Variants in KIF16B observed in about 807,000 individuals in gnomAD.
KIF16B encodes kinesin-like protein KIF16B.
A neutral mutation model predicts 156.3 loss-of-function variants in KIF16B; 98 were observed. The ratio of observed to expected loss-of-function variants is 0.63; its 90% CI spans 0.53 to 0.74. The LOEUF (loss-of-function observed/expected upper bound fraction) is 0.74. KIF16B is among the 30% of genes least tolerant of loss of function. The pLI, the probability that KIF16B is intolerant of heterozygous loss-of-function variation, is 0.00. For synonymous variants in KIF16B, 564 were observed against 583.7 expected, an observed-to-expected ratio of 0.97 and a Z score of 0.49; for missense variants, 1,421 against 1,606.5, an observed-to-expected ratio of 0.88 and a Z score of 1.97.
intron 25 of KIF16B, among the ~76,000 whole-genome samples, chr20:16,296,109 A>G (rs2063382568): frequency 6.6e-6 from 1 of 152,220 alleles, no homozygotes; most frequent in African/African-American, 2.4e-5. Flanking sequence ...AAAGGGCAGC[A>G]AAATGAGAAA....
rs1353092945 is a variant in KIF16B at position 16,273,059 on chromosome 20, T to A, written c.*194A>T. 1 of 585,898 alleles carries A rather than the reference T, an allele frequency of 1.7e-6. No individual in the cohort carries two copies. Among genetic ancestry groups the A allele is most frequent in the African/African-American group, 1.9e-5 (1 of 53,538 alleles). 36.3% of individuals were successfully genotyped at this position (585,898 alleles called of 1,614,324 possible). A position where few individuals can be genotyped will look rare whatever the true frequency, so the allele number is the denominator to read the frequency against. On this transcript the variant is annotated 3_prime_UTR_variant, in exon 26 of 26. Transcript: ENST00000354981. ...GTAACGGCTGCCTGTCAGGGCCACA[T>A]CAGCAGGCAGAGCATCCCATCCCCA...
At position 16,473,731 on chromosome 20, in the gene KIF16B, T is replaced by C. The variant is rs78644652; in HGVS notation, c.1302+20560A>G. The stretch of plus-strand genomic sequence containing the variant: ...GGATAAGATCAGCTCTAAGACTCCA[T>C]CCATTTTGAATTCATTCTGTGTCAT... On this transcript the variant is annotated intron_variant, in intron 12 of 25. Coordinates refer to ENST00000354981, the MANE Select transcript of KIF16B (RefSeq NM_024704.5). Among the ~76,000 whole-genome samples, 90 of 152,304 alleles carry C rather than the reference T, an allele frequency of 5.9e-4. 2 individuals carry two copies. The highest frequency in any genetic ancestry group is 1.9e-3 in the African/African-American group (80 of 41,566).
intron 24 of KIF16B, among the ~76,000 whole-genome samples, chr20:16,313,168 A>C (rs1275150962): frequency 1.3e-5 from 2 of 152,234 alleles, no homozygotes; most frequent in Non-Finnish European, 2.9e-5. Flanking sequence ...TGGCTGAATA[A>C]ATGCTAAGTA....
intron 23 of KIF16B, among the ~76,000 whole-genome samples, chr20:16,352,136 G>A (rs554983136): frequency 3.9e-5 from 6 of 152,264 alleles, no homozygotes; most frequent in African/African-American, 1.2e-4. Flanking sequence ...GACTGCAAAC[G>A]GCCACCAGAA....
At chr20:16,277,228 T>G (rs1482419107) in intron 25 of KIF16B, among the ~76,000 whole-genome samples, 2 of 152,154 alleles carry the variant, frequency 1.3e-5, no homozygotes, top group Non-Finnish European at 2.9e-5. Context: ...GTGCAGTACT[T>G]CACATCTGAA....
At chr20:16,466,131 C>T (rs540928921) in intron 12 of KIF16B, among the ~76,000 whole-genome samples, 1 of 152,290 alleles carries the variant, frequency 6.6e-6, no homozygotes, top group South Asian at 2.1e-4. Context: ...ATATTACTAA[C>T]CACAGATGAG....
At chr20:16,366,906 G>A (rs1235002117) in intron 22 of KIF16B, 36 of 1,217,436 alleles carry the variant, frequency 3.0e-5, no homozygotes, top group Non-Finnish European at 3.6e-5. Flanking sequence ...ACAAGCCTGA[G>A]TTTCAAGAAA....
intron 24 of KIF16B, among the ~76,000 whole-genome samples, chr20:16,331,952 G>C (rs1370082572): frequency 6.6e-6 from 1 of 152,116 alleles, no homozygotes; most frequent in African/African-American, 2.4e-5. Flanking sequence ...AGCAAGTATT[G>C]ACTATGTGAA....
intron 24 of KIF16B, among the ~76,000 whole-genome samples, chr20:16,325,447 A>G (rs538511690): frequency 6.6e-6 from 1 of 152,230 alleles, no homozygotes; most frequent in South Asian, 2.1e-4. Context: ...AAATGAATTC[A>G]GTAAAGTTTC....
At chr20:16,439,618 G>C (rs954032081) in intron 12 of KIF16B, among the ~76,000 whole-genome samples, 1 of 152,150 alleles carries the variant, frequency 6.6e-6, no homozygotes, top group South Asian at 2.1e-4. Context: ...GAGTGAGATT[G>C]TATTAGTCCA....
intron 24 of KIF16B, among the ~76,000 whole-genome samples, chr20:16,324,307 G>A (rs2063811818): frequency 6.6e-6 from 1 of 151,906 alleles, no homozygotes; most frequent in Non-Finnish European, 1.5e-5. Context: ...CATGGAGAGG[G>A]AGGTTCAGAC....
chr20:16,449,868 T>G (rs974315769), intron 12 of KIF16B, among the ~76,000 whole-genome samples: 8 of 152,152 alleles, frequency 5.3e-5, no homozygotes, highest in Non-Finnish European at 1.2e-4. Context: ...TCATGACACA[T>G]GGGTGCACCA....
Position 16,549,369 on chromosome 20 carries a change from C to CTCATCATT in KIF16B, c.48-20937_48-20930dup, listed in dbSNP as rs2070548065. Among the ~76,000 whole-genome samples the CTCATCATT allele has an allele frequency of 6.6e-5, 10 of 152,062 alleles. No homozygotes were observed. The South Asian group carries it at 2.1e-3, about 32-fold the overall frequency. On this transcript the variant is annotated intron_variant, in intron 1 of 25. Coordinates refer to ENST00000354981, the MANE Select transcript of KIF16B (RefSeq NM_024704.5). The stretch of plus-strand genomic sequence containing the variant: ...TCCATGTCCCTACAAAGGACATGAA[C>CTCATCATT]TCATCATTTTTTATGGCTGCATAGT...
intron 17 of KIF16B, among the ~76,000 whole-genome samples, chr20:16,389,092 ACT>A (rs1306955580): frequency 6.6e-6 from 1 of 151,828 alleles, no homozygotes; most frequent in East Asian, 1.9e-4. Context: ...CATGGATATT[ACT>A]CTATTATCTC....
intron 1 of KIF16B, among the ~76,000 whole-genome samples, chr20:16,540,752 C>T (rs1458539251): frequency 7.2e-5 from 11 of 152,120 alleles, no homozygotes; most frequent in African/African-American, 1.4e-4. Flanking sequence ...CACCCAAGAG[C>T]ACTTCTCTTT....
At chr20:16,404,055 A>G (rs1292491339) in intron 17 of KIF16B, among the ~76,000 whole-genome samples, 1 of 152,240 alleles carries the variant, frequency 6.6e-6, no homozygotes, top group African/African-American at 2.4e-5. Context: ...TCACGGATTC[A>G]AGGTGCTTAA....
intron 17 of KIF16B, among the ~76,000 whole-genome samples, chr20:16,402,222 C>A (rs527929948): frequency 5.6e-4 from 86 of 152,298 alleles, no homozygotes; most frequent in Admixed American, 3.5e-3. Flanking sequence ...GACCAAACAT[C>A]CCTTCTTCAG....
At chr20:16,402,559 C>T (rs7269973) in intron 17 of KIF16B, among the ~76,000 whole-genome samples, 4,121 of 152,302 alleles carry the variant, frequency 0.027, 140 homozygotes, top group African/African-American at 0.078. Flanking sequence ...ATAGCATCCA[C>T]AGCAGAGTTT....
intron 25 of KIF16B, among the ~76,000 whole-genome samples, chr20:16,274,592 TACAC>T (rs1377832991): frequency 6.6e-6 from 1 of 152,238 alleles, no homozygotes; most frequent in Non-Finnish European, 1.5e-5. Flanking sequence ...TCTTAGGAAT[TACAC>T]ATAATAATTC....
Sources: gnomAD v4.1 joint callset for allele counts (sites outside exome capture counted in the v4.1 genomes callset) on GRCh38, gnomAD v4.1.1 for gene constraint, MANE v1.5 for transcripts, NCBI Gene and HGNC (gene_info 2026-07-23, HGNC 2026-07-21) for gene names.